NFU1: variants seen among roughly 807,000 people sequenced by gnomAD.
NFU1 encodes the protein NFU1 iron-sulfur cluster scaffold.
Under a neutral mutation model 32.2 loss-of-function variants are expected in NFU1, and 30 were observed. The ratio of observed to expected loss-of-function variants is 0.93; its 90% CI spans 0.70 to 1.26. NFU1 has a LOEUF of 1.26. Ranked by LOEUF, NFU1 falls within the 50% of genes most tolerant of loss-of-function variation. The pLI, the probability that NFU1 is intolerant of heterozygous loss-of-function variation, is 0.00. For synonymous variants in NFU1, 112 were observed against 104.6 expected (o/e 1.07, Z -0.43); for missense variants, 306 against 306.6 (o/e 1.00, Z 0.02).
intron 1 of NFU1, among the ~76,000 whole-genome samples, chr2:69,434,515 G>C (rs144083453): frequency 4.9e-4 from 75 of 152,180 alleles, no homozygotes; most frequent in Admixed American, 9.2e-4. Context: ...TGAAAACAAA[G>C]GAAGAAAATG....
chr2:69,424,384 G>GCT (rs1333335341), intron 2 of NFU1, among the ~76,000 whole-genome samples: 1 of 151,260 alleles, frequency 6.6e-6, no homozygotes, highest in Non-Finnish European at 1.5e-5. Flanking sequence ...AAATTCCAGG[G>GCT]CTCAGGCAAT....
upstream of NFU1, among the ~76,000 whole-genome samples, chr2:69,439,399 G>C (rs189564295): frequency 6.6e-6 from 1 of 152,320 alleles, no homozygotes; most frequent in Admixed American, 6.5e-5. Flanking sequence ...GTTTCTTCTG[G>C]TGGGTTCGTG....
chr2:69,437,759 A>T (rs1034356980), upstream of NFU1: 13 of 448,640 alleles, frequency 2.9e-5, no homozygotes, highest in Non-Finnish European at 5.4e-5. Flanking sequence ...CCAGCCCCTA[A>T]ACCTGACCCA....
chr2:69,427,831 G>C (rs1380505523), intron 2 of NFU1, among the ~76,000 whole-genome samples: 1 of 150,880 alleles, frequency 6.6e-6, no homozygotes, highest in Non-Finnish European at 1.5e-5. Flanking sequence ...GGGTTTTGTA[G>C]AGGTAGGGTT....
chr2:69,405,986 A>G lies in NFU1; in HGVS notation c.545+36T>C, dbSNP rs374061950. The G allele has an allele frequency of 1.5e-5, 21 of 1,363,836 alleles. No individual in the cohort carries two copies. The Admixed American group carries it at 1.7e-4, about 11-fold the overall frequency. 84.5% of individuals were successfully genotyped at this position (1,363,836 alleles called of 1,614,324 possible). A position where few individuals can be genotyped will look rare whatever the true frequency, so the allele number is the denominator to read the frequency against. On this transcript the variant is annotated intron_variant, in intron 6 of 7. Transcript: ENST00000410022. ...ATTGCTATAATGAAAAATGCCTCCA[A>G]AGCACTTGAATTCAGGTAGAGAGAG...
At position 69,437,166 on chromosome 2, in the gene NFU1, G is replaced by A. The variant is rs999677796; in HGVS notation, c.62+195C>T. 15 of 1,259,502 alleles carry A rather than the reference G, an allele frequency of 1.2e-5. No homozygotes were observed. In the African/African-American group the frequency reaches 2.0e-4, roughly 16 times the overall value. 78.0% of individuals were successfully genotyped at this position (1,259,502 alleles called of 1,614,324 possible). Reference sequence around the variant, plus strand: ...GAGGAAGCTCCAGAGAGTCCGCCCGGATTAGGCCACAGAAGCGCCGAGCTC... The same window carrying A: ...GAGGAAGCTCCAGAGAGTCCGCCCGAATTAGGCCACAGAAGCGCCGAGCTC... On this transcript the variant is annotated intron_variant, in intron 1 of 7. Coordinates refer to ENST00000410022, the MANE Select transcript of NFU1 (RefSeq NM_001002755.4).
intron 6 of NFU1, among the ~76,000 whole-genome samples, chr2:69,402,492 C>T (rs1166950530): frequency 2.6e-5 from 4 of 152,154 alleles, no homozygotes; most frequent in Non-Finnish European, 5.9e-5. Flanking sequence ...CTGTGCCCAG[C>T]CAATGGCATC....
upstream of NFU1, among the ~76,000 whole-genome samples, chr2:69,437,828 A>ACTCCCT (rs1448214129): frequency 6.6e-6 from 1 of 151,496 alleles, no homozygotes; most frequent in Non-Finnish European, 1.5e-5. Context: ...GCCCCCAAAG[A>ACTCCCT]CTCCCTGGAG....
intron 7 of NFU1, among the ~76,000 whole-genome samples, chr2:69,398,402 G>T (rs1361642623): frequency 6.6e-6 from 1 of 152,120 alleles, no homozygotes; most frequent in African/African-American, 2.4e-5. Context: ...TGGTGTGGAG[G>T]CTAAAGCAAC....
intron 2 of NFU1, among the ~76,000 whole-genome samples, chr2:69,427,174 T>A (rs1290496027): frequency 1.4e-5 from 2 of 140,180 alleles, no homozygotes; most frequent in Non-Finnish European, 3.0e-5. Context: ...TCACCTGAGG[T>A]CAGGAGTTCC....
chr2:69,400,235 C>T, intron 7 of NFU1, 129 bp downstream of exon 7: 1 of 846,238 alleles, frequency 1.2e-6, no homozygotes, highest in Non-Finnish European at 1.9e-6. Flanking sequence ...AAAATCCAGC[C>T]CTTGAAGAAA....
chr2:69,431,137 C>CA (rs1673626562), intron 2 of NFU1, among the ~76,000 whole-genome samples: 2 of 151,930 alleles, frequency 1.3e-5, no homozygotes, highest in African/African-American at 4.8e-5. Flanking sequence ...TTAATTTTGA[C>CA]AAAAAAGCTT....
chr2:69,413,240 G>A (rs1455353847), intron 5 of NFU1, among the ~76,000 whole-genome samples: 2 of 148,260 alleles, frequency 1.3e-5, no homozygotes, highest in African/African-American at 5.0e-5. Context: ...AGCTGAGATC[G>A]CGCCATTGCA....
At chr2:69,405,651 C>T (rs1672671109) in intron 6 of NFU1, among the ~76,000 whole-genome samples, 1 of 152,228 alleles carries the variant, frequency 6.6e-6, no homozygotes, top group African/African-American at 2.4e-5. Context: ...ACTCACTTAA[C>T]ATTTATTCTG....
At chr2:69,396,019 G>A (rs565684586), downstream of NFU1, 10 of 464,800 alleles carry the variant, frequency 2.2e-5, no homozygotes, top group East Asian at 3.1e-4. Flanking sequence ...CATGGGAAAT[G>A]AGGGACAAAA....
chr2:69,433,078 A>T (rs975553186), intron 1 of NFU1, among the ~76,000 whole-genome samples: 1 of 77,066 alleles, frequency 1.3e-5, no homozygotes, highest in African/African-American at 8.8e-5. Context: ...TGAACCCAGG[A>T]GGCGTAGGTT....
At chr2:69,414,623 A>C (rs1672993316) in intron 5 of NFU1, among the ~76,000 whole-genome samples, 1 of 150,208 alleles carries the variant, frequency 6.7e-6, no homozygotes, top group South Asian at 2.1e-4. Context: ...GTCTCTAAAA[A>C]AAAAAAAAAA....
chr2:69,419,944 T>C (rs534790512), intron 3 of NFU1, among the ~76,000 whole-genome samples: 55 of 152,260 alleles, frequency 3.6e-4, no homozygotes, highest in Non-Finnish European at 5.9e-4. Flanking sequence ...CAATCATTCA[T>C]TCAACCAATA....
rs1265331624 is a variant in NFU1 at position 69,396,380 on chromosome 2, T to C, written c.721-90A>G. On this transcript the variant is annotated intron_variant, in intron 7 of 7. Coordinates refer to ENST00000410022, the MANE Select transcript of NFU1 (RefSeq NM_001002755.4). ...ATTTTAATATTACTTCTTTACCTGATACACTCTATAATGAGGCATGACAAG... is the reference window on the plus strand; with the variant it reads ...ATTTTAATATTACTTCTTTACCTGACACACTCTATAATGAGGCATGACAAG... The C allele has an allele frequency of 6.8e-6, 6 of 882,414 alleles. No homozygotes were observed. The Admixed American group carries it at 1.1e-4, about 17-fold the overall frequency. The allele number at this position is 882,414 out of a possible 1,614,324, so 54.7% of individuals were successfully genotyped here. A position where few individuals can be genotyped will look rare whatever the true frequency, so the allele number is the denominator to read the frequency against.
Sources: gnomAD v4.1 joint callset for allele counts (sites outside exome capture counted in the v4.1 genomes callset) on GRCh38, gnomAD v4.1.1 for gene constraint, MANE v1.5 for transcripts, NCBI Gene and HGNC (gene_info 2026-07-23, HGNC 2026-07-21) for gene names.